The following RGS6 variants were observed in gnomAD, a reference collection of about 807,000 sequenced individuals.
RGS6 encodes regulator of G-protein signaling 6.
In RGS6, 30 loss-of-function variants were observed where a neutral mutation model predicts 78.5. That is an observed-to-expected ratio of 0.38 (90% confidence interval 0.29 to 0.52). The LOEUF (loss-of-function observed/expected upper bound fraction) is 0.52, where lower values mean the gene tolerates loss of function less well. Among genes scored for constraint, RGS6 ranks in the 20% least tolerant of loss-of-function variants. RGS6 has a pLI of 0.85. For synonymous variants in RGS6, 206 were observed against 206.0 expected (o/e 1.00, Z 0.00); for missense variants, 495 against 609.7 (o/e 0.81, Z 1.98).
At chr14:72,246,398 C>A (rs1275119082) in intron 2 of RGS6, among the ~76,000 whole-genome samples, 2 of 152,210 alleles carry the variant, frequency 1.3e-5, no homozygotes, top group African/African-American at 4.8e-5. Context: ...TTTCTCTAAC[C>A]TTGTAGCATT....
intron 2 of RGS6, among the ~76,000 whole-genome samples, chr14:72,335,959 GA>G (rs1476100317): frequency 6.6e-6 from 1 of 152,200 alleles, no homozygotes; most frequent in Non-Finnish European, 1.5e-5. Flanking sequence ...TCTAGTGCCG[GA>G]AGGGAACTCG....
intron 2 of RGS6, among the ~76,000 whole-genome samples, chr14:71,980,485 T>G (rs1441679282): frequency 1.6e-5 from 2 of 127,638 alleles, no homozygotes; most frequent in African/African-American, 5.9e-5. Flanking sequence ...AGCATTTGCT[T>G]GTCTGTAAAG....
chr14:72,478,430 A>T, intron 12 of RGS6, 101 bp downstream of exon 12: 2 of 852,468 alleles, frequency 2.3e-6, no homozygotes, highest in Non-Finnish European at 3.8e-6. Context: ...CAAGAGTTAG[A>T]CTGTAGTTAT....
chr14:71,969,393 A>G (rs2093683339), intron 2 of RGS6, among the ~76,000 whole-genome samples: 1 of 152,174 alleles, frequency 6.6e-6, no homozygotes, highest in South Asian at 2.1e-4. Flanking sequence ...ATGCCTCTTG[A>G]CAAAGTTCTC....
chr14:72,180,568 A>G (rs1321731084), intron 2 of RGS6, among the ~76,000 whole-genome samples: 2 of 152,268 alleles, frequency 1.3e-5, no homozygotes, highest in Non-Finnish European at 2.9e-5. Context: ...TATCTATTTA[A>G]TTGAGGTTTA....
the RGS6 span, among the ~76,000 whole-genome samples, chr14:72,599,847 T>C: frequency 6.6e-6 from 1 of 152,034 alleles, no homozygotes; most frequent in Non-Finnish European, 1.5e-5. Context: ...CCGAGTCCTG[T>C]GGGCTCACAC....
chr14:72,552,206 G>T (rs559667557), intron 17 of RGS6, among the ~76,000 whole-genome samples: 115 of 152,202 alleles, frequency 7.6e-4, no homozygotes, highest in Non-Finnish European at 1.0e-3. Context: ...TCAATAAATG[G>T]CAGCTATGAT....
chr14:71,911,838 G>A, the RGS6 span, among the ~76,000 whole-genome samples: 5 of 152,194 alleles, frequency 3.3e-5, no homozygotes, highest in African/African-American at 1.2e-4. Context: ...AGAAGGGTGA[G>A]ACAGGAATTA....
At chr14:72,010,003 G>C (rs1214852543) in intron 2 of RGS6, among the ~76,000 whole-genome samples, 1 of 152,214 alleles carries the variant, frequency 6.6e-6, no homozygotes, top group Admixed American at 6.5e-5. Flanking sequence ...AGTGGCAGCA[G>C]CCTGCCTTAA....
chr14:72,540,011 TC>T, intron 16 of RGS6, 29 bp from the exon 17 acceptor site: 1 of 1,536,230 alleles, frequency 6.5e-7, no homozygotes, highest in African/African-American at 1.4e-5. Context: ...TCTGTATTTT[TC>T]TCCCTACCCT....
intron 17 of RGS6, chr14:72,550,443 C>T (rs751368801): frequency 4.0e-5 from 62 of 1,533,458 alleles, no homozygotes; most frequent in Middle Eastern, 1.7e-4. Context: ...TCTGAGCCCC[C>T]GTGCCTAACA....
At chr14:72,353,894 G>A (rs2079634934) in intron 3 of RGS6, among the ~76,000 whole-genome samples, 1 of 151,976 alleles carries the variant, frequency 6.6e-6, no homozygotes, top group Admixed American at 6.6e-5. Context: ...TGAGGCAGGA[G>A]AATCACTTGA....
the RGS6 span, among the ~76,000 whole-genome samples, chr14:72,603,131 T>C: frequency 1.3e-5 from 2 of 152,210 alleles, no homozygotes; most frequent in African/African-American, 4.8e-5. Flanking sequence ...AAGAAGAAAG[T>C]TGGCCATTTT....
At chr14:72,387,849 G>T (rs749854275) in intron 3 of RGS6, among the ~76,000 whole-genome samples, 1 of 152,112 alleles carries the variant, frequency 6.6e-6, no homozygotes, top group African/African-American at 2.4e-5. Flanking sequence ...TCATGGTGGG[G>T]GCAGGGTTGG....
In RGS6 at chr14:71,989,268, C is replaced by T. The variant is rs112172502; in HGVS notation, c.84+24393C>T. Among the ~76,000 whole-genome samples the T allele has an allele frequency of 2.8e-3, 434 of 152,356 alleles. 1 individual carries two copies. The highest frequency in any genetic ancestry group is 9.2e-3 in the African/African-American group (381 of 41,588). Reference sequence around the variant, plus strand: ...GGGCCTCCCCTGTAAGTGGGAATCCCGAGTTGCAGGTCAGGCTGTCTCTTC... The same window carrying T: ...GGGCCTCCCCTGTAAGTGGGAATCCTGAGTTGCAGGTCAGGCTGTCTCTTC... On this transcript the variant is annotated intron_variant, in intron 2 of 17. Coordinates refer to ENST00000553525, the MANE Select transcript of RGS6 (RefSeq NM_001204424.2).
chr14:72,181,590 C>T (rs1011353995), intron 2 of RGS6, among the ~76,000 whole-genome samples: 1 of 152,190 alleles, frequency 6.6e-6, no homozygotes, highest in African/African-American at 2.4e-5. Flanking sequence ...CTGATTCCTT[C>T]TGCATAATGT....
At chr14:72,012,411 A>C (rs1056229034) in intron 2 of RGS6, among the ~76,000 whole-genome samples, 1 of 152,204 alleles carries the variant, frequency 6.6e-6, no homozygotes, top group Non-Finnish European at 1.5e-5. Context: ...AAAGAATGTC[A>C]TGAACATTTC....
intron 2 of RGS6, among the ~76,000 whole-genome samples, chr14:72,147,627 A>G (rs1598377263): frequency 6.6e-6 from 1 of 152,216 alleles, no homozygotes; most frequent in East Asian, 1.9e-4. Context: ...ACACATTCAA[A>G]TCGTAGCACA....
intron 2 of RGS6, among the ~76,000 whole-genome samples, chr14:72,040,903 A>G (rs1436802548): frequency 1.3e-5 from 2 of 151,902 alleles, no homozygotes; most frequent in Non-Finnish European, 2.9e-5. Context: ...TCAGCTCAAG[A>G]ATTTGTTAGG....
Sources: allele counts gnomAD v4.1 joint callset (sites outside exome capture counted in the v4.1 genomes callset), GRCh38; gene constraint gnomAD v4.1.1; transcripts MANE v1.5; gene names NCBI Gene and HGNC (gene_info 2026-07-23, HGNC 2026-07-21).